PLD2: variants seen among roughly 807,000 people sequenced by gnomAD.
PLD2 encodes phospholipase D2, also known as choline phosphatase 2.
PLD2 carries 101 observed loss-of-function variants against 119.8 expected under a neutral mutation model. The observed-to-expected ratio is 0.84, with a 90% CI of 0.72 to 0.99. The LOEUF (loss-of-function observed/expected upper bound fraction) is 0.99, where lower values mean the gene tolerates loss of function less well. Ranked by LOEUF, PLD2 falls within the 50% of genes least tolerant of loss-of-function variation. The pLI, the probability that PLD2 is intolerant of heterozygous loss-of-function variation, is 0.00. For missense variants in PLD2, 1,164 were observed against 1,226.8 expected, an observed-to-expected ratio of 0.95 and a Z score of 0.76; for synonymous variants, 494 against 482.8, an observed-to-expected ratio of 1.02 and a Z score of -0.30.
rs3786043 is a variant in PLD2, at chr17:4,809,019, G to A, written c.384-81G>A. 476,353 of 1,104,564 alleles carry A rather than the reference G, an allele frequency of 0.43. 110,094 individuals are homozygous for A. Among genetic ancestry groups the A allele is most frequent in the Non-Finnish European group, 0.49 (359,915 of 727,886 alleles). 68.4% of individuals were successfully genotyped at this position (1,104,564 alleles called of 1,614,324 possible). A position where few individuals can be genotyped will look rare whatever the true frequency, so the allele number is the denominator to read the frequency against. On this transcript the variant is annotated intron_variant, in intron 4 of 24. Transcript: ENST00000263088. ...ACCTCCAGGCCTCTTCTTTTCCTCC[G>A]AGCCCCATCTCCAGTGTTTTCAGGA...
chr17:4,820,276 G>C (rs758713016), intron 23 of PLD2, among the ~76,000 whole-genome samples: 7 of 146,058 alleles, frequency 4.8e-5, no homozygotes, highest in Non-Finnish European at 4.5e-5. Flanking sequence ...TGTTGTTGTT[G>C]TTGTTGTTGA....
chr17:4,821,988 G>T (rs111658683), intron 24 of PLD2, 81 bp downstream of exon 24: 2 of 857,746 alleles, frequency 2.3e-6, no homozygotes, highest in Non-Finnish European at 3.9e-6. Flanking sequence ...GGAGAGAAGC[G>T]CCACCATACA....
intron 10 of PLD2, among the ~76,000 whole-genome samples, 180 bp downstream of exon 10, chr17:4,811,131 G>A (rs113066674): frequency 1.4e-4 from 12 of 85,410 alleles, no homozygotes; most frequent in East Asian, 4.0e-4. Context: ...CTCTGATTTC[G>A]CGCCGACCTT....
chr17:4,816,865 C>T, intron 15 of PLD2, 72 bp from the exon 16 acceptor site: 1 of 1,572,562 alleles, frequency 6.4e-7, no homozygotes, highest in South Asian at 1.1e-5. Context: ...CTGGCAGGCT[C>T]TTTCTCCCTG....
chr17:4,814,305 T>G, intron 10 of PLD2, 113 bp from the exon 11 acceptor site: 1 of 1,498,396 alleles, frequency 6.7e-7, no homozygotes, highest in East Asian at 2.5e-5. Flanking sequence ...TCTGATCATT[T>G]CTGATCTTTG....
chr17:4,808,096 A>G lies in PLD2; in HGVS notation c.222A>G (p.Arg74=), dbSNP rs576239648. The change falls in exon 3 of 25, where the codon AGA becomes AGG. Residue 74 remains arginine, a synonymous_variant. Coordinates refer to ENST00000263088, the MANE Select transcript of PLD2 (RefSeq NM_002663.5). This position sits in a 1 kb window ranked among gnomAD's most constrained non-coding sequence, Gnocchi z 4.1. ...CAGCCCAGGTGGTGGGCACCGAAAG[A>G]TATACCAGCGGATCCAAGGTGGCCA... is the stretch of plus-strand genomic sequence containing the variant. ...PVTAQVVGTE[R]YTSGSKVGTC... 14 of 1,610,770 alleles carry G rather than the reference A, an allele frequency of 8.7e-6. No homozygotes were observed. In the South Asian group the frequency reaches 1.3e-4, roughly 15 times the overall value.
rs773640188 is a variant in PLD2, at chr17:4,807,989, C to A, written c.115C>A (p.Arg39=). 1.9e-6 allele frequency: 3 copies of A among 1,607,728 alleles called. No homozygotes were observed. The highest frequency in any genetic ancestry group is 2.2e-5 in the East Asian group (1 of 44,644). Residue 39 remains arginine (R), a synonymous_variant, in exon 3 of 25, where the codon CGG becomes AGG. Coordinates refer to ENST00000263088, the MANE Select transcript of PLD2 (RefSeq NM_002663.5). This position sits in a 1 kb window ranked among gnomAD's most constrained non-coding sequence, Gnocchi z 5.4. ...TLKEGEDPAD[R]MHPFLAIYEL... ...TCGACTTTCTTTCCTCCCAGCCGAC[C>A]GGATGCACCCGTTTCTGGCCATCTA...
Position 4,819,011 on chromosome 17 carries a change from A to C in PLD2, c.2174-73A>C. On this transcript the variant is annotated intron_variant, in intron 21 of 24. Transcript: ENST00000263088. The surrounding 1 kb of genome is among the most constrained non-coding windows in gnomAD (Gnocchi z 4.2). ...GACTCTATGTAGGAAGAGTTTCTGG[A>C]GTGAGAGGAGGTGGGACAGGGCCCT... 1.9e-6 allele frequency: 3 copies of C among 1,588,534 alleles called. No individual in the cohort carries two copies. Among genetic ancestry groups the C allele is most frequent in the Non-Finnish European group, 2.6e-6 (3 of 1,163,688 alleles).
At position 4,808,229 on chromosome 17, in the gene PLD2, G is replaced by A. The variant is rs375905921; in HGVS notation, c.241-45G>A. On this transcript the variant is annotated intron_variant, in intron 3 of 24. Coordinates refer to ENST00000263088, the MANE Select transcript of PLD2 (RefSeq NM_002663.5). The surrounding 1 kb of genome is among the most constrained non-coding windows in gnomAD (Gnocchi z 4.1). Reference sequence around the variant, plus strand: ...GGAGGGCTGGCCAGAGTGGGGAGGCGGGGACCCACGCAGGGGACATCCATT... The same window carrying A: ...GGAGGGCTGGCCAGAGTGGGGAGGCAGGGACCCACGCAGGGGACATCCATT... The A allele has an allele frequency of 2.2e-5, 36 of 1,604,320 alleles. No individual in the cohort carries two copies. Among genetic ancestry groups the A allele is most frequent in the Middle Eastern group, 3.3e-4 (2 of 6,044 alleles).
At position 4,821,838 on chromosome 17, in the gene PLD2, C is replaced by T. The variant is rs529756933; in HGVS notation, c.2508C>T (p.Asp836=). The change falls in exon 24 of 25, where the codon GAC becomes GAT. Residue 836 remains aspartate (D), a synonymous_variant. Transcript: ENST00000263088. ...CCCGGCCAGACTTGGATCTCCGAGA[C>T]CCCATCTGTGATGACTTCTTCCAGT... ...ANTRPDLDLR[D]PICDDFFQLW... is the part of the protein sequence containing the mutation. The T allele has an allele frequency of 1.4e-5, 23 of 1,614,062 alleles. No homozygotes were observed. The highest frequency in any genetic ancestry group is 8.0e-5 in the African/African-American group (6 of 75,012).
At chr17:4,815,328 T>C in intron 12 of PLD2, 148 bp from the exon 13 acceptor site, 1 of 680,054 alleles carries the variant, frequency 1.5e-6, no homozygotes, top group South Asian at 1.6e-5. Flanking sequence ...AGTCTAAGTC[T>C]GTGGCAAGCA....
In PLD2 at chr17:4,819,622, G is replaced by A. The variant is rs1229567309; in HGVS notation, c.2462+40G>A. The A allele has an allele frequency of 6.4e-7, 1 of 1,566,682 alleles. No individual in the cohort carries two copies. The highest frequency in any genetic ancestry group is 1.2e-5 in the South Asian group (1 of 83,564). ...GGATGCCACAGGGTGGGAGGGAGAT[G>A]GGGGCGTCTGCCTTTTGAGCAGGAC... On this transcript the variant is annotated intron_variant, in intron 23 of 24. Transcript: ENST00000263088. The surrounding 1 kb of genome is among the most constrained non-coding windows in gnomAD (Gnocchi z 4.2).
chr17:4,818,300 C>T lies in PLD2; in HGVS notation c.1924C>T (p.Gln642Ter). 2 of 1,612,998 alleles carry T rather than the reference C, an allele frequency of 1.2e-6. No homozygotes were observed. Among genetic ancestry groups the T allele is most frequent in the Non-Finnish European group, 1.7e-6 (2 of 1,179,068 alleles). ...ESQHFLYIEN[Q>*]FFISCSDGRT... is the part of the protein sequence containing the mutation. ...CTGTCTCTGATTCTTGCCCCAGAAT[C>T]AGTTCTTCATTAGCTGCTCAGATGG... Residue 642 changes from glutamine (Q) to a stop codon, truncating the protein, a stop_gained, in exon 19 of 25, where the codon CAG becomes TAG. Transcript: ENST00000263088. LOFTEE classifies it high-confidence loss of function.
Position 4,809,936 on chromosome 17 carries a change from C to T in PLD2, c.767C>T (p.Ser256Leu), listed in dbSNP as rs1906277171. Residue 256 changes from serine (S) to leucine (L), a missense_variant, in exon 9 of 25, where the codon TCA (serine) becomes TTA (leucine). Transcript: ENST00000263088. ...ATGTGCCTCGAGACAGGTGCCATCT[C>T]ATTTGTTCAGCTCTTTGACCCTGGC... ...LYMCLETGAI[S>L]FVQLFDPGFE... 1 of 1,614,166 alleles carries T rather than the reference C, an allele frequency of 6.2e-7. No homozygotes were observed. Among genetic ancestry groups the T allele is most frequent in the Non-Finnish European group, 8.5e-7 (1 of 1,180,022 alleles).
intron 18 of PLD2, 82 bp from the exon 19 acceptor site, chr17:4,818,215 C>T (rs1907233506): frequency 1.4e-6 from 2 of 1,449,056 alleles, no homozygotes; most frequent in East Asian, 4.5e-5. Flanking sequence ...AAGCAGACGC[C>T]TGGAGCCTGG....
At chr17:4,812,753 G>C (rs546100666) in intron 10 of PLD2, among the ~76,000 whole-genome samples, 1 of 152,148 alleles carries the variant, frequency 6.6e-6, no homozygotes. Flanking sequence ...TGGTGATTGC[G>C]TGGGAACATA....
At position 4,810,929 on chromosome 17, in the gene PLD2, C is replaced by T. The variant is rs752760973; in HGVS notation, c.988C>T (p.Arg330Trp). 24 of 1,612,200 alleles carry T rather than the reference C, an allele frequency of 1.5e-5. No individual in the cohort carries two copies. The highest frequency in any genetic ancestry group is 5.5e-5 in the South Asian group (5 of 90,980). ...CCGGCATGACAGCTACGCCCCACCC[C>T]GGCCTGGGACCTTGGCCCGGTGGTG... ...LHRHDSYAPP[R>W]PGTLARWFVN... Residue 330 changes from arginine (R) to tryptophan (W), a missense_variant, in exon 10 of 25, where the codon CGG becomes TGG. Coordinates refer to ENST00000263088, the MANE Select transcript of PLD2 (RefSeq NM_002663.5).
At chr17:4,810,557 A>G (rs1294341572) in intron 9 of PLD2, among the ~76,000 whole-genome samples, 2 of 152,130 alleles carry the variant, frequency 1.3e-5, no homozygotes, top group African/African-American at 4.8e-5. Context: ...AGGCAGGAGA[A>G]TCGCTTGAAG....
chr17:4,808,311 A>G lies in PLD2; in HGVS notation c.278A>G (p.His93Arg). Reference protein sequence around the residue: ...TCTLYSVRLTHGDFSWTTKKK... With the variant: ...TCTLYSVRLTRGDFSWTTKKK... ...ACTCTGTATTCTGTCCGCTTGACTC[A>G]CGGCGACTTTTCCTGGACAACCAAG... The change falls in exon 4 of 25, where the codon CAC becomes CGC. Residue 93 changes from histidine to arginine, a missense_variant. Transcript: ENST00000263088. The surrounding 1 kb of genome is among the most constrained non-coding windows in gnomAD (Gnocchi z 4.1). 6.2e-7 allele frequency: 1 copy of G among 1,614,008 alleles called. No individual in the cohort carries two copies. The highest frequency in any genetic ancestry group is 8.5e-7 in the Non-Finnish European group (1 of 1,179,954).
Sources: allele counts gnomAD v4.1 joint callset (sites outside exome capture counted in the v4.1 genomes callset), GRCh38; gene constraint gnomAD v4.1.1; non-coding constraint Gnocchi (gnomAD v3.1); transcripts MANE v1.5; gene names NCBI Gene and HGNC (gene_info 2026-07-23, HGNC 2026-07-21).